RRP8: variants seen among roughly 807,000 people sequenced by gnomAD.
RRP8 encodes ribosomal RNA-processing protein 8.
In RRP8, 48 loss-of-function variants were observed where a neutral mutation model predicts 45.0. The ratio of observed to expected loss-of-function variants is 1.07; its 90% CI spans 0.85 to 1.36. The LOEUF (loss-of-function observed/expected upper bound fraction) is 1.36. RRP8 is among the 40% of genes most tolerant of loss of function. The probability of loss-of-function intolerance (pLI) is 0.00; values close to 1 mark genes in which losing one functional copy is unlikely to be tolerated. For synonymous variants in RRP8, 274 were observed against 212.4 expected, an observed-to-expected ratio of 1.29 and a Z score of -2.52; for missense variants, 658 against 573.7, an observed-to-expected ratio of 1.15 and a Z score of -1.50.
chr11:6,601,459 G>C lies in RRP8; in HGVS notation c.607C>G (p.Gln203Glu). 6.2e-7 allele frequency: 1 copy of C among 1,614,074 alleles called. No homozygotes were observed. Among genetic ancestry groups the C allele is most frequent in the Non-Finnish European group, 8.5e-7 (1 of 1,180,038 alleles). ...GCCTGGTCTGGCACCTGAGGTGGCT[G>C]AAACTTGTTCTTACATCTTCTCTTG... The part of the protein sequence containing the change: ...KNKRRCKNKF[Q>E]PPQVPDQAPA... Residue 203 changes from glutamine (Q) to glutamate (E), a missense_variant, in exon 3 of 7, where the codon CAG becomes GAG. Coordinates refer to ENST00000254605, the MANE Select transcript of RRP8 (RefSeq NM_015324.4).
chr11:6,599,557 G>T lies in RRP8; in HGVS notation c.*589C>A, dbSNP rs1854293165. The stretch of plus-strand genomic sequence containing the variant: ...TCCAAAAATGGAGATGAGGGGAGAG[G>T]GGAAAGATAAACCACTAGAAATGCT... On this transcript the variant is annotated 3_prime_UTR_variant, in exon 7 of 7. Transcript: ENST00000254605. 1 of 152,268 alleles carries T rather than the reference G, an allele frequency of 6.6e-6. No individual in the cohort carries two copies. The allele number at this position is 152,268 out of a possible 1,614,324, so 9.4% of individuals were successfully genotyped here. A position where few individuals can be genotyped will look rare whatever the true frequency, so the allele number is the denominator to read the frequency against.
rs375883769 is a variant in RRP8, at chr11:6,601,240, C to A, written c.826G>T (p.Ala276Ser). The change falls in exon 3 of 7, where the codon GCT becomes TCT. Residue 276 changes from alanine (A) to serine (S), a missense_variant. Coordinates refer to ENST00000254605, the MANE Select transcript of RRP8 (RefSeq NM_015324.4). Reference sequence around the variant, plus strand: ...AAGCCGCGGTGGTAGAGAAGAAAAGCCTCAGGGTCTTCCTGGAAGAGACGC... The same window carrying A: ...AAGCCGCGGTGGTAGAGAAGAAAAGACTCAGGGTCTTCCTGGAAGAGACGC... Reference protein sequence around the residue: ...AQRLFQEDPEAFLLYHRGFQS... With the variant: ...AQRLFQEDPESFLLYHRGFQS... 46 of 1,611,288 alleles carry A rather than the reference C, an allele frequency of 2.9e-5. No homozygotes were observed. Among genetic ancestry groups the A allele is most frequent in the Non-Finnish European group, 3.8e-5 (45 of 1,178,718 alleles).
At chr11:6,600,806 C>T in intron 4 of RRP8, 31 bp from the exon 5 acceptor site, 1 of 1,609,578 alleles carries the variant, frequency 6.2e-7, no homozygotes, top group Non-Finnish European at 8.5e-7. Flanking sequence ...GTATAAGGCA[C>T]ACAGTGCAGA....
intron 1 of RRP8, 47 bp downstream of exon 1, chr11:6,603,357 C>T: frequency 7.1e-7 from 1 of 1,398,834 alleles, no homozygotes; most frequent in Non-Finnish European, 9.9e-7. Flanking sequence ...CACCAATGTC[C>T]GCTTCGCGGC....
At chr11:6,603,012 T>C (rs891487868) in intron 1 of RRP8, among the ~76,000 whole-genome samples, 2 of 152,226 alleles carry the variant, frequency 1.3e-5, no homozygotes, top group Non-Finnish European at 1.5e-5. Context: ...AATAATTCCA[T>C]TGCTTAAAAC....
rs759913983 is a variant in RRP8 at position 6,601,263 on chromosome 11, C to T, written c.803G>A (p.Arg268His). 27 of 1,611,614 alleles carry T rather than the reference C, an allele frequency of 1.7e-5. No homozygotes were observed. Among genetic ancestry groups the T allele is most frequent in the East Asian group, 6.7e-5 (3 of 44,848 alleles). Residue 268 changes from arginine to histidine, a missense_variant, in exon 3 of 7, where the codon CGT (arginine) becomes CAT (histidine). Arg to His is a conservative substitution (Grantham distance 29). Transcript: ENST00000254605. ...AGCCTCAGGGTCTTCCTGGAAGAGA[C>T]GCTGTGCAGCACTGCTGGGCCCTGA... ...LYSGPSSAAQ[R>H]LFQEDPEAFL... is the part of the protein sequence containing the mutation.
chr11:6,601,402 C>G lies in RRP8; in HGVS notation c.664G>C (p.Val222Leu). The change falls in exon 3 of 7, where the codon GTG becomes CTG. Residue 222 changes from valine (V) to leucine (L), a missense_variant. By Grantham distance (32) the Val-to-Leu change is conservative. Transcript: ENST00000254605. ...CTGTCTGTCCTGGGAACAGGAGACA[C>G]CTCTGTCTTCTCTGTGGGGGCCTCA... ...PAEAPTEKTE[V>L]SPVPRTDSHE... is the part of the protein sequence containing the mutation. 1.9e-6 allele frequency: 3 copies of G among 1,614,142 alleles called. No homozygotes were observed. The highest frequency in any genetic ancestry group is 2.5e-6 in the Non-Finnish European group (3 of 1,180,032).
In RRP8 at chr11:6,595,131, G is replaced by A. The variant is rs977389980; in HGVS notation, c.*5015C>T. ...TCAGTTATCCAGGCCGGAGTACAGT[G>A]GCACAATCATAGCTCACTACAGCCT... On this transcript the variant is annotated 3_prime_UTR_variant, in exon 7 of 7. Transcript: ENST00000254605. The A allele has an allele frequency of 2.0e-5, 3 of 151,754 alleles. No homozygotes were observed. Among genetic ancestry groups the A allele is most frequent in the East Asian group, 3.9e-4 (2 of 5,184 alleles). 9.4% of individuals were successfully genotyped at this position (151,754 alleles called of 1,614,324 possible).
rs1443012915 is a variant in RRP8 at position 6,595,976 on chromosome 11, A to G, written c.*4170T>C. 6.6e-6 allele frequency: 1 copy of G among 152,226 alleles called. No individual in the cohort carries two copies. The highest frequency in any genetic ancestry group is 1.5e-5 in the Non-Finnish European group (1 of 68,038). The allele number at this position is 152,226 out of a possible 1,614,324, so 9.4% of individuals were successfully genotyped here. ...GCTATGACTCCATCACCGTCAAAAC[A>G]TGTGCTTCAAGGTTACCTTGAAGAG... On this transcript the variant is annotated 3_prime_UTR_variant, in exon 7 of 7. Coordinates refer to ENST00000254605, the MANE Select transcript of RRP8 (RefSeq NM_015324.4).
Position 6,601,585 on chromosome 11 carries a change from C to A in RRP8, c.481G>T (p.Gly161Cys). The A allele has an allele frequency of 1.9e-6, 3 of 1,600,970 alleles. No homozygotes were observed. Among genetic ancestry groups the A allele is most frequent in the South Asian group, 1.1e-5 (1 of 90,996 alleles). The stretch of plus-strand genomic sequence containing the variant: ...TTTGGTGGATCATTTGTAGTACTAC[C>A]CTTCCAGGCTTTGGGACCTACAGGG... The part of the protein sequence containing the change: ...VDQTGPKAWK[G>C]STTNDPPKQS... The change falls in exon 3 of 7, where the codon GGT (glycine) becomes TGT (cysteine). Residue 161 changes from glycine to cysteine, a missense_variant. By Grantham distance (159) the Gly-to-Cys change is radical. Transcript: ENST00000254605.
Position 6,597,796 on chromosome 11 carries a change from CAGG to C in RRP8, c.*2347_*2349del, listed in dbSNP as rs1854256687. ...TTCCCAGCTACTCGGGAGTCTGAGGCAGGAGAAGTGCTTGAACCAGCAGGCAGA... is the reference window on the plus strand; with the variant it reads ...TTCCCAGCTACTCGGGAGTCTGAGGCAGAAGTGCTTGAACCAGCAGGCAGA... On this transcript the variant is annotated 3_prime_UTR_variant, in exon 7 of 7. Coordinates refer to ENST00000254605, the MANE Select transcript of RRP8 (RefSeq NM_015324.4). 6.6e-6 allele frequency: 1 copy of C among 151,260 alleles called. No homozygotes were observed. The highest frequency in any genetic ancestry group is 1.5e-5 in the Non-Finnish European group (1 of 68,010). The allele number at this position is 151,260 out of a possible 1,614,324, so 9.4% of individuals were successfully genotyped here.
Position 6,595,709 on chromosome 11 carries a change from G to T in RRP8, c.*4437C>A, listed in dbSNP as rs1011838992. ...GAAAGTGTTGACTGGCATCTGGCAA[G>T]ATAATTAAATATCTGAAACACCCTG... On this transcript the variant is annotated 3_prime_UTR_variant, in exon 7 of 7. Transcript: ENST00000254605. The T allele has an allele frequency of 1.3e-5, 2 of 152,188 alleles. No homozygotes were observed. Among genetic ancestry groups the T allele is most frequent in the Non-Finnish European group, 2.9e-5 (2 of 68,032 alleles). The allele number at this position is 152,188 out of a possible 1,614,324, so 9.4% of individuals were successfully genotyped here. A position where few individuals can be genotyped will look rare whatever the true frequency, so the allele number is the denominator to read the frequency against.
chr11:6,601,811 C>T, intron 2 of RRP8, 41 bp downstream of exon 2: 4 of 1,551,354 alleles, frequency 2.6e-6, no homozygotes, highest in Non-Finnish European at 3.5e-6. Flanking sequence ...CCCCCCGACA[C>T]ACACACACCA....
rs1327846594 is a variant in RRP8, at chr11:6,600,465, C to CAG, written c.1251+19_1251+20dup. ...GGGCCACATGAGACAAAAACAGGTA[C>CAG]AGATGTCTTGGGGCCCTCACCTTGG... On this transcript the variant is annotated intron_variant, in intron 6 of 6. Transcript: ENST00000254605. 2.5e-6 allele frequency: 4 copies of CAG among 1,608,048 alleles called. No individual in the cohort carries two copies. In the African/African-American group the frequency reaches 5.4e-5, roughly 22 times the overall value.
Position 6,600,686 on chromosome 11 carries a change from A to G in RRP8, c.1137T>C (p.Asn379=), listed in dbSNP as rs11603397. ...GCTCTTACCCTGGCTTCAGTACTCT[A>G]TTTGCCTCCTCTAGGAAGTCCCTGA... ...TNIRDFLEEA[N]RVLKPGGLLK... is the part of the protein sequence containing the mutation. The change falls in exon 5 of 7, where the codon AAT becomes AAC. Residue 379 remains asparagine (N), a synonymous_variant. Coordinates refer to ENST00000254605, the MANE Select transcript of RRP8 (RefSeq NM_015324.4). The G allele has an allele frequency of 6.1e-3, 9,875 of 1,614,002 alleles. 50 individuals carry two copies. Among genetic ancestry groups the G allele is most frequent in the Middle Eastern group, 0.026 (156 of 6,046 alleles).
At chr11:6,601,084 T>C (rs974642295) in intron 3 of RRP8, 29 bp from the exon 4 acceptor site, 17 of 1,614,072 alleles carry the variant, frequency 1.1e-5, no homozygotes, top group Non-Finnish European at 1.0e-5. Flanking sequence ...GGTCACATAT[T>C]GGTCTGATCT....
At chr11:6,602,378 T>C in intron 1 of RRP8, 163 bp from the exon 2 acceptor site, 1 of 739,140 alleles carries the variant, frequency 1.4e-6, no homozygotes, top group Non-Finnish European at 2.0e-6. Context: ...CCACCCCAAC[T>C]TCTGGGAAGC....
At chr11:6,602,245 C>A in intron 1 of RRP8, 30 bp from the exon 2 acceptor site, 1 of 1,519,320 alleles carries the variant, frequency 6.6e-7, no homozygotes, top group Non-Finnish European at 8.8e-7. Flanking sequence ...GACAGTGGGC[C>A]TAAAGAGAAT....
chr11:6,599,353 C>T lies in RRP8; in HGVS notation c.*793G>A, dbSNP rs1281850008. On this transcript the variant is annotated 3_prime_UTR_variant, in exon 7 of 7. Transcript: ENST00000254605. ...ACAACCACCCTGCAAGACAAAAATT[C>T]TACCATTTTCCAAATGAGGAATGTG... is the stretch of plus-strand genomic sequence containing the variant. The T allele has an allele frequency of 1.3e-5, 2 of 152,268 alleles. No homozygotes were observed. The highest frequency in any genetic ancestry group is 2.4e-5 in the African/African-American group (1 of 41,470). The allele number at this position is 152,268 out of a possible 1,614,324, so 9.4% of individuals were successfully genotyped here. A position where few individuals can be genotyped will look rare whatever the true frequency, so the allele number is the denominator to read the frequency against.
Sources: allele counts gnomAD v4.1 joint callset (sites outside exome capture counted in the v4.1 genomes callset), GRCh38; gene constraint gnomAD v4.1.1; transcripts MANE v1.5; gene names NCBI Gene and HGNC (gene_info 2026-07-23, HGNC 2026-07-21).